Variants in CDKN2B-AS1 observed in about 807,000 individuals in gnomAD.
CDKN2B-AS1 encodes CDKN2B and CDKN2A antisense cis and trans regulatory RNA 1, also known as CDKN2B antisense RNA 1 (non-protein coding).
At chr9:22,091,583 G>C (rs1352235725) in intron 4 of CDKN2B-AS1, among the ~76,000 whole-genome samples, 1 of 152,150 alleles carries the variant, frequency 6.6e-6, no homozygotes, top group Non-Finnish European at 1.5e-5. Context: ...TATTCTCTTT[G>C]AAGGAATTGT....
At chr9:22,054,771 A>G (rs1431636432) in intron 3 of CDKN2B-AS1, among the ~76,000 whole-genome samples, 1 of 117,194 alleles carries the variant, frequency 8.5e-6, no homozygotes, top group African/African-American at 3.2e-5. Context: ...ATTTTACTTT[A>G]TTTGTTGTTG....
chr9:22,055,580 T>G (rs1035832220), intron 3 of CDKN2B-AS1, among the ~76,000 whole-genome samples: 1 of 152,204 alleles, frequency 6.6e-6, no homozygotes, highest in Admixed American at 6.5e-5. Flanking sequence ...ACAGTCTTTT[T>G]AAAAAATATA....
intron 4 of CDKN2B-AS1, among the ~76,000 whole-genome samples, chr9:22,109,260 A>C (rs1825740430): frequency 6.6e-6 from 1 of 152,198 alleles, no homozygotes; most frequent in Non-Finnish European, 1.5e-5. Context: ...GCTCAAGCTG[A>C]TAAGGTCCTG....
rs568662927 is a variant in CDKN2B-AS1, at chr9:22,102,181, A to T, written n.439-24922A>T. On this transcript the variant is annotated intron_variant and non_coding_transcript_variant, in intron 4 of 4. Transcript: ENST00000650946. ...ATCTGAATGACAGGCATTCCTTTGA[A>T]TTGCACATTTGCTCTTGTTTTTACT... Among the ~76,000 whole-genome samples the T allele has an allele frequency of 6.6e-5, 10 of 152,276 alleles. No homozygotes were observed. In the South Asian group the frequency reaches 1.9e-3, roughly 28 times the overall value.
intron 4 of CDKN2B-AS1, among the ~76,000 whole-genome samples, chr9:22,114,220 C>T (rs1825879053): frequency 1.3e-5 from 2 of 152,224 alleles, no homozygotes; most frequent in Admixed American, 1.3e-4. Context: ...AAAGTTCCCT[C>T]TTATACCTGG....
chr9:21,997,724 T>C lies in CDKN2B-AS1; in HGVS notation n.29+2563T>C, dbSNP rs3218022. Among the ~76,000 whole-genome samples, 4,770 of 152,154 alleles carry C rather than the reference T, an allele frequency of 0.031. 198 individuals are homozygous for C. Among genetic ancestry groups the C allele is most frequent in the African/African-American group, 0.094 (3,894 of 41,456 alleles). ...ATATTATTGAGGATAATCTGCTTTT[T>C]CAAGTCTACTGACTTAAATGTTAAT... On this transcript the variant is annotated intron_variant and non_coding_transcript_variant, in intron 1 of 4. Coordinates refer to ENST00000650946, the Ensembl canonical transcript of CDKN2B-AS1. The surrounding 1 kb of genome is among the most constrained non-coding windows in gnomAD (Gnocchi z 4.8).
At chr9:22,100,583 G>A (rs752595225) in intron 4 of CDKN2B-AS1, among the ~76,000 whole-genome samples, 11 of 152,006 alleles carry the variant, frequency 7.2e-5, no homozygotes, top group South Asian at 2.1e-4. Context: ...CATTGCAGCC[G>A]TTTTTGCTTT....
At chr9:22,125,946 C>T (rs777185581) in intron 4 of CDKN2B-AS1, among the ~76,000 whole-genome samples, 14 of 152,142 alleles carry the variant, frequency 9.2e-5, no homozygotes, top group Non-Finnish European at 1.8e-4. Context: ...GTTTATAGTT[C>T]TCTTTCATAC....
chr9:21,997,706 T>G lies in CDKN2B-AS1; in HGVS notation n.29+2545T>G, dbSNP rs990204705. On this transcript the variant is annotated intron_variant and non_coding_transcript_variant, in intron 1 of 4. Coordinates refer to ENST00000650946, the Ensembl canonical transcript of CDKN2B-AS1. The surrounding 1 kb of genome is among the most constrained non-coding windows in gnomAD (Gnocchi z 4.8). Reference sequence around the variant, plus strand: ...CTTGGATGAGGACCACCCATATTATTGAGGATAATCTGCTTTTTCAAGTCT... The same window carrying G: ...CTTGGATGAGGACCACCCATATTATGGAGGATAATCTGCTTTTTCAAGTCT... Among the ~76,000 whole-genome samples the G allele has an allele frequency of 1.5e-4, 23 of 152,022 alleles. No homozygotes were observed. Among genetic ancestry groups the G allele is most frequent in the African/African-American group, 5.6e-4 (23 of 41,382 alleles).
chr9:22,097,962 G>A (rs79266187), intron 4 of CDKN2B-AS1, among the ~76,000 whole-genome samples: 1,973 of 152,166 alleles, frequency 0.013, 49 homozygotes, highest in African/African-American at 0.045. Flanking sequence ...AAGCTTTTAC[G>A]TCTTGCTGAT....
chr9:22,117,407 G>C (rs186107621), intron 4 of CDKN2B-AS1, among the ~76,000 whole-genome samples: 3 of 152,082 alleles, frequency 2.0e-5, no homozygotes, highest in East Asian at 1.9e-4. Flanking sequence ...TGAAGGGTTG[G>C]GGGGGAATCT....
intron 4 of CDKN2B-AS1, among the ~76,000 whole-genome samples, chr9:22,094,687 C>T (rs993949032): frequency 2.1e-5 from 3 of 144,076 alleles, no homozygotes; most frequent in Admixed American, 6.7e-5. Flanking sequence ...GACTTCTCTG[C>T]GTTGGTTATT....
intron 1 of CDKN2B-AS1, among the ~76,000 whole-genome samples, chr9:22,027,260 A>G (rs1023751129): frequency 2.0e-5 from 3 of 151,574 alleles, no homozygotes; most frequent in African/African-American, 7.3e-5. Flanking sequence ...ATTTTTTTAC[A>G]TTTATTTACA....
chr9:22,125,610 G>A (rs199561465), intron 4 of CDKN2B-AS1, among the ~76,000 whole-genome samples: 1 of 152,164 alleles, frequency 6.6e-6, no homozygotes, highest in East Asian at 1.9e-4. Flanking sequence ...AATGTAAATT[G>A]GACAAACTTT....
intron 1 of CDKN2B-AS1, among the ~76,000 whole-genome samples, chr9:22,041,528 A>T (rs955683719): frequency 6.6e-5 from 10 of 152,114 alleles, no homozygotes; most frequent in Non-Finnish European, 1.5e-4. Flanking sequence ...ATAAAAGGGA[A>T]CATTAAACTT....
intron 4 of CDKN2B-AS1, among the ~76,000 whole-genome samples, chr9:22,091,932 C>T (rs905843619): frequency 4.6e-5 from 7 of 152,106 alleles, no homozygotes; most frequent in Non-Finnish European, 1.0e-4. Flanking sequence ...CAGGTTTTGC[C>T]CATTCAGTAT....
chr9:22,026,694 G>C (rs1822253960), intron 1 of CDKN2B-AS1, among the ~76,000 whole-genome samples: 1 of 152,182 alleles, frequency 6.6e-6, no homozygotes, highest in Non-Finnish European at 1.5e-5. Flanking sequence ...GGGTATGTTT[G>C]GGGGTCTAAC....
chr9:22,019,043 G>T (rs1378326036), intron 1 of CDKN2B-AS1, among the ~76,000 whole-genome samples: 1 of 152,198 alleles, frequency 6.6e-6, no homozygotes, highest in Non-Finnish European at 1.5e-5. Context: ...ATGTGAGTCA[G>T]AAGAAACTGC....
intron 4 of CDKN2B-AS1, among the ~76,000 whole-genome samples, chr9:22,111,674 A>G (rs760730794): frequency 5.8e-4 from 89 of 152,160 alleles, no homozygotes; most frequent in Non-Finnish European, 1.1e-3. Flanking sequence ...TCTTTAGCCT[A>G]CCAAATCTCT....
Sources: gnomAD v4.1 joint callset for allele counts (sites outside exome capture counted in the v4.1 genomes callset) on GRCh38, gnomAD v4.1.1 for gene constraint, Gnocchi (gnomAD v3.1) non-coding constraint, MANE v1.5 for transcripts, NCBI Gene and HGNC (gene_info 2026-07-23, HGNC 2026-07-21) for gene names.